ZNFX1: variants seen among roughly 807,000 people sequenced by gnomAD.
The protein encoded by ZNFX1 is zinc finger NFX1-type containing 1.
ZNFX1 carries 78 observed loss-of-function variants against 179.8 expected under a neutral mutation model. The observed-to-expected ratio is 0.43, with a 90% CI of 0.36 to 0.52. The LOEUF is 0.52. Among genes scored for constraint, ZNFX1 ranks in the 20% least tolerant of loss-of-function variants. The probability of loss-of-function intolerance (pLI) is 0.00; values close to 1 mark genes in which losing one functional copy is unlikely to be tolerated. For missense variants in ZNFX1, 1,927 were observed against 2,386.6 expected, an observed-to-expected ratio of 0.81 and a Z score of 4.01; for synonymous variants, 848 against 868.5, an observed-to-expected ratio of 0.98 and a Z score of 0.42.
At chr20:49,267,480 T>TC (rs1241981066) in intron 3 of ZNFX1, among the ~76,000 whole-genome samples, 1 of 151,468 alleles carries the variant, frequency 6.6e-6, no homozygotes, top group East Asian at 1.9e-4. Context: ...ACATAAAGTT[T>TC]TTTTTTTTTT....
At chr20:49,262,905 C>T (rs1285707699) in intron 6 of ZNFX1, among the ~76,000 whole-genome samples, 2 of 152,182 alleles carry the variant, frequency 1.3e-5, no homozygotes, top group Non-Finnish European at 2.9e-5. Context: ...TTTCATTTAA[C>T]AAACACTTAT....
rs762773490 is a variant in ZNFX1 at position 49,249,361 on chromosome 20, C to A, written c.3663G>T (p.Leu1221Phe). 2 of 1,614,130 alleles carry A rather than the reference C, an allele frequency of 1.2e-6. No homozygotes were observed. The highest frequency in any genetic ancestry group is 1.7e-6 in the Non-Finnish European group (2 of 1,180,048). ...LQISNRICVA[L>F]SRAKKGMYCI... Reference sequence around the variant, plus strand: ...AGTACATTCCCTTCTTGGCTCGGGACAAGGCCACACAGATGCGGTTGGATA... The same window carrying A: ...AGTACATTCCCTTCTTGGCTCGGGAAAAGGCCACACAGATGCGGTTGGATA... Residue 1221 changes from leucine (L) to phenylalanine (F), a missense_variant, in exon 14 of 14, where the codon TTG becomes TTT. Leu to Phe is a conservative substitution (Grantham distance 22, BLOSUM62 0). Transcript: ENST00000396105.
chr20:49,271,641 G>T lies in ZNFX1; in HGVS notation c.171C>A (p.Asn57Lys), dbSNP rs151164107. 66 of 1,613,866 alleles carry T rather than the reference G, an allele frequency of 4.1e-5. No homozygotes were observed. The highest frequency in any genetic ancestry group is 5.0e-5 in the Non-Finnish European group (59 of 1,180,006). Residue 57 changes from asparagine to lysine, a missense_variant, in exon 3 of 14, where the codon AAC becomes AAA. Coordinates refer to ENST00000396105, the MANE Select transcript of ZNFX1 (RefSeq NM_021035.3). ...ASHPGRHPRA[N>K]NHPAAYWQRE... is the part of the protein sequence containing the mutation. ...TCTGCCAGTAAGCAGCAGGATGGTT[G>T]TTGGCCCTAGGATGCCTTCCAGGGT...
At position 49,249,518 on chromosome 20, in the gene ZNFX1, T is replaced by G. The variant is rs1429992867; in HGVS notation, c.3506A>C (p.Lys1169Thr). Residue 1169 changes from lysine (K) to threonine (T), a missense_variant, in exon 14 of 14, where the codon AAA (lysine) becomes ACA (threonine). Transcript: ENST00000396105. ...AGCAAATGTCTTGGCAGGCATCAGTTTGCGCAGGCAGAAGAGCTGCCCGGT... is the reference window on the plus strand; with the variant it reads ...AGCAAATGTCTTGGCAGGCATCAGTGTGCGCAGGCAGAAGAGCTGCCCGGT... Reference protein sequence around the residue: ...TYTGQLFCLRKLMPAKTFAGV... With the variant: ...TYTGQLFCLRTLMPAKTFAGV... 2 of 1,614,224 alleles carry G rather than the reference T, an allele frequency of 1.2e-6. No homozygotes were observed. Among genetic ancestry groups the G allele is most frequent in the Non-Finnish European group, 1.7e-6 (2 of 1,180,042 alleles).
At chr20:49,255,315 T>C (rs1036170869) in intron 9 of ZNFX1, among the ~76,000 whole-genome samples, 9 of 152,050 alleles carry the variant, frequency 5.9e-5, no homozygotes, top group Non-Finnish European at 1.2e-4. Context: ...AGTGCTAGCA[T>C]TAAAGGCGTG....
intron 7 of ZNFX1, among the ~76,000 whole-genome samples, chr20:49,258,426 G>A (rs901587685): frequency 2.0e-5 from 3 of 152,184 alleles, no homozygotes; most frequent in African/African-American, 7.2e-5. Flanking sequence ...TAAAAGGAAT[G>A]AGAGGAGAGT....
rs1203837574 is a variant in ZNFX1 at position 49,264,841 on chromosome 20, T to C, written c.2026A>G (p.Ser676Gly). 5 of 1,614,092 alleles carry C rather than the reference T, an allele frequency of 3.1e-6. No individual in the cohort carries two copies. The highest frequency in any genetic ancestry group is 4.2e-6 in the Non-Finnish European group (5 of 1,180,048). ...CTCCTTCCACCCACCCGCACAATGCTGGTCTTCTGACAATTGTAGATGCCT... is the reference window on the plus strand; with the variant it reads ...CTCCTTCCACCCACCCGCACAATGCCGGTCTTCTGACAATTGTAGATGCCT... ...LEGIYNCQKT[S>G]IVRVGGRSNS... is the part of the protein sequence containing the mutation. The change falls in exon 5 of 14, where the codon AGC becomes GGC. Residue 676 changes from serine (S) to glycine (G), a missense_variant. Ser to Gly is a moderately conservative substitution (Grantham distance 56, BLOSUM62 0). Coordinates refer to ENST00000396105, the MANE Select transcript of ZNFX1 (RefSeq NM_021035.3).
At chr20:49,255,980 T>A (rs1420685811) in intron 8 of ZNFX1, 33 bp from the exon 9 acceptor site, 2 of 1,608,550 alleles carry the variant, frequency 1.2e-6, no homozygotes, top group Non-Finnish European at 1.7e-6. Context: ...GGGTACTGTC[T>A]GAGCAGAGGC....
chr20:49,259,131 TAAATAAATA>T (rs1981054409), intron 7 of ZNFX1, among the ~76,000 whole-genome samples: 3 of 135,772 alleles, frequency 2.2e-5, no homozygotes, highest in Admixed American at 2.2e-4. Flanking sequence ...AATAAATAAA[TAAATAAATA>T]AAATAAATAC....
intron 2 of ZNFX1, 91 bp downstream of exon 2, chr20:49,275,688 A>G (rs547129211): frequency 4.1e-6 from 5 of 1,232,766 alleles, no homozygotes; most frequent in East Asian, 4.7e-5. Flanking sequence ...GATGCAGACA[A>G]TCTTAGGTAG....
chr20:49,258,692 G>T (rs190174983), intron 7 of ZNFX1, among the ~76,000 whole-genome samples: 1 of 151,974 alleles, frequency 6.6e-6, no homozygotes, highest in Admixed American at 6.6e-5. Context: ...TGTATTTCTA[G>T]CTACCTGGGA....
At position 49,256,049 on chromosome 20, in the gene ZNFX1, A is replaced by G. The variant is rs547573579; in HGVS notation, c.2665-102T>C. ...GCACGTAAGAAAAAGGGCTGGCATCACTGATTAATGTCAAGTGTCTTACAT... is the reference window on the plus strand; with the variant it reads ...GCACGTAAGAAAAAGGGCTGGCATCGCTGATTAATGTCAAGTGTCTTACAT... On this transcript the variant is annotated intron_variant, in intron 8 of 13. Transcript: ENST00000396105. The G allele has an allele frequency of 9.3e-6, 13 of 1,391,692 alleles. No homozygotes were observed. In the Admixed American group the frequency reaches 2.6e-4, roughly 28 times the overall value. 86.2% of individuals were successfully genotyped at this position (1,391,692 alleles called of 1,614,324 possible). A position where few individuals can be genotyped will look rare whatever the true frequency, so the allele number is the denominator to read the frequency against.
At position 49,247,415 on chromosome 20, in the gene ZNFX1, G is replaced by C. The variant is rs184446473; in HGVS notation, c.5609C>G (p.Pro1870Arg). The C allele has an allele frequency of 6.2e-7, 1 of 1,614,138 alleles. No homozygotes were observed. Among genetic ancestry groups the C allele is most frequent in the East Asian group, 2.2e-5 (1 of 44,876 alleles). Residue 1870 changes from proline (P) to arginine (R), a missense_variant, in exon 14 of 14, where the codon CCT (proline) becomes CGT (arginine). Transcript: ENST00000396105. ...GCCACCAATCACTTCCTTACAGTCA[G>C]GACACGTGCCCCTCTCCATGGCTCC... The part of the protein sequence containing the change: ...CGGAMERGTC[P>R]DCKEVIGGTN...
chr20:49,247,114 G>A lies in ZNFX1; in HGVS notation c.*153C>T, dbSNP rs1980695610. On this transcript the variant is annotated 3_prime_UTR_variant, in exon 14 of 14. Coordinates refer to ENST00000396105, the MANE Select transcript of ZNFX1 (RefSeq NM_021035.3). ...GAACTCCTGACCTCGTGATCCGCCT[G>A]CCTCGGCCTCCCAAAGTGCTGGGAT... 4 of 1,010,546 alleles carry A rather than the reference G, an allele frequency of 4.0e-6. No homozygotes were observed. In the Admixed American group the frequency reaches 8.6e-5, roughly 22 times the overall value. 62.6% of individuals were successfully genotyped at this position (1,010,546 alleles called of 1,614,324 possible).
chr20:49,250,663 C>T (rs577751692), intron 13 of ZNFX1, among the ~76,000 whole-genome samples: 10 of 152,182 alleles, frequency 6.6e-5, no homozygotes, highest in East Asian at 1.9e-4. Flanking sequence ...GCGATCCTCT[C>T]GCCTCAGCCT....
At chr20:49,261,862 G>C (rs570233) in intron 6 of ZNFX1, among the ~76,000 whole-genome samples, 103,336 of 150,900 alleles carry the variant, frequency 0.68, 36,316 homozygotes, top group Non-Finnish European at 0.77. Flanking sequence ...TAGCCAGGAT[G>C]GTCTCAATCT....
chr20:49,258,603 C>T (rs1981033431), intron 7 of ZNFX1, among the ~76,000 whole-genome samples: 3 of 151,612 alleles, frequency 2.0e-5, no homozygotes, highest in Admixed American at 1.3e-4. Flanking sequence ...GTCAGGAGTT[C>T]GAGACCAGCC....
chr20:49,260,659 G>T, intron 6 of ZNFX1, 82 bp from the exon 7 acceptor site: 1 of 1,023,266 alleles, frequency 9.8e-7, no homozygotes, highest in Non-Finnish European at 1.4e-6. Context: ...ATCAAAAGCA[G>T]ATTGGGGCAT....
rs1365505916 is a variant in ZNFX1 at position 49,271,570 on chromosome 20, C to T, written c.242G>A (p.Arg81Lys). 1.9e-6 allele frequency: 3 copies of T among 1,614,042 alleles called. No individual in the cohort carries two copies. Among genetic ancestry groups the T allele is most frequent in the Non-Finnish European group, 1.7e-6 (2 of 1,180,022 alleles). ...RAMGRNPHQG[R>K]RNQEGHASDE... ...GCTGGCATGCCCCTCCTGGTTCCTC[C>T]TTCCTTGATGTGGGTTCCTGCCCAT... is the stretch of plus-strand genomic sequence containing the variant. Residue 81 changes from arginine to lysine, a missense_variant, in exon 3 of 14, where the codon AGG becomes AAG. Physicochemically the swap from Arg to Lys is conservative, Grantham distance 26. Transcript: ENST00000396105.
Sources: gnomAD v4.1 joint callset for allele counts (sites outside exome capture counted in the v4.1 genomes callset) on GRCh38, gnomAD v4.1.1 for gene constraint, MANE v1.5 for transcripts, NCBI Gene and HGNC (gene_info 2026-07-23, HGNC 2026-07-21) for gene names.